Variants in PDK3 observed in about 807,000 individuals in gnomAD.
The protein encoded by PDK3 is pyruvate dehydrogenase kinase, isozyme 3.
A neutral mutation model predicts 32.0 loss-of-function variants in PDK3; 12 were observed. That is an observed-to-expected ratio of 0.37 (90% CI 0.24 to 0.61). The LOEUF is 0.61. Ranked by LOEUF, PDK3 falls within the 20% of genes least tolerant of loss-of-function variation. The pLI, the probability that PDK3 is intolerant of heterozygous loss-of-function variation, is 0.65. For missense variants in PDK3, 188 were observed against 316.9 expected, an observed-to-expected ratio of 0.59 and a Z score of 3.09; for synonymous variants, 122 against 116.3, an observed-to-expected ratio of 1.05 and a Z score of -0.31.
intron 6 of PDK3, among the ~76,000 whole-genome samples, chrX:24,521,764 G>A (rs759294550): frequency 3.6e-5 from 4 of 111,651 alleles, no homozygotes; most frequent in African/African-American, 9.8e-5. Context: ...GGAGCTTTCC[G>A]ACTCTTTTTG....
At chrX:24,475,614 G>A (rs1311494472) in intron 1 of PDK3, among the ~76,000 whole-genome samples, 1 of 110,045 alleles carries the variant, frequency 9.1e-6, no homozygotes, top group Non-Finnish European at 1.9e-5. Flanking sequence ...AGCTGGGATC[G>A]CGTCACTGCA....
chrX:24,529,034 C>CA lies in PDK3; in HGVS notation c.963+849dup, dbSNP rs779078439. Among the ~76,000 whole-genome samples the CA allele has an allele frequency of 3.6e-5, 4 of 112,389 alleles. No individual in the cohort carries two copies. In the South Asian group the frequency reaches 1.5e-3, roughly 41 times the overall value. ...AACACTTTGCATCATTTATTTGAGA[C>CA]AGAGTTTGTTAACTCAGCATGTTGG... On this transcript the variant is annotated intron_variant, in intron 9 of 10. Transcript: ENST00000379162.
intron 3 of PDK3, among the ~76,000 whole-genome samples, chrX:24,500,172 G>A (rs1396415432): frequency 9.3e-6 from 1 of 107,972 alleles, no homozygotes; most frequent in African/African-American, 3.4e-5. Context: ...AGATTGAAAA[G>A]ATATTCAGGA....
At chrX:24,503,862 A>C (rs772089388) in intron 4 of PDK3, among the ~76,000 whole-genome samples, 3 of 112,132 alleles carry the variant, frequency 2.7e-5, no homozygotes, top group Non-Finnish European at 5.6e-5. Context: ...TTCTTTATCC[A>C]GGATATTATG....
intron 1 of PDK3, among the ~76,000 whole-genome samples, chrX:24,478,232 G>A (rs1318440840): frequency 9.0e-6 from 1 of 111,105 alleles, no homozygotes; most frequent in Non-Finnish European, 1.9e-5. Flanking sequence ...ATCACTTGAG[G>A]TCAGGAGTTC....
intron 1 of PDK3, among the ~76,000 whole-genome samples, chrX:24,490,868 A>G (rs1263318871): frequency 8.9e-6 from 1 of 111,732 alleles, no homozygotes; most frequent in Non-Finnish European, 1.9e-5. Flanking sequence ...GCCAACTTGG[A>G]AATTTAAACA....
exon 12 of PDK3, chrX:24,545,373 C>T (rs957967028): frequency 8.9e-6 from 1 of 112,191 alleles, no homozygotes; most frequent in African/African-American, 3.2e-5. Flanking sequence ...GTTTGGAGAC[C>T]TGGAGCCCAC....
At chrX:24,500,052 C>T (rs1206475251) in intron 3 of PDK3, among the ~76,000 whole-genome samples, 1 of 111,328 alleles carries the variant, frequency 9.0e-6, no homozygotes, top group Non-Finnish European at 1.9e-5. Context: ...TGGCAGAAAT[C>T]CTAAAACCTA....
At chrX:24,528,862 AAAC>A (rs749706958) in intron 9 of PDK3, among the ~76,000 whole-genome samples, 34 of 112,057 alleles carry the variant, frequency 3.0e-4, no homozygotes, top group African/African-American at 1.0e-3. Context: ...TCTAATTGAC[AAAC>A]AACAATTGAA....
rs763095558 is a variant in PDK3 at position 24,496,568 on chromosome X, C to CTTTTTTTTTTTTTTTT, written c.248+1693_248+1708dup. ...CTAATTGTCCTGATACTACCCCCAT[C>CTTTTTTTTTTTTTTTT]TTTTTTTTTTTTTTTTTTTTTTTGC... is the stretch of plus-strand genomic sequence containing the variant. On this transcript the variant is annotated intron_variant, in intron 2 of 10. Transcript: ENST00000379162. 4.1e-3 allele frequency among the ~76,000 whole-genome samples: 163 copies of CTTTTTTTTTTTTTTTT among 39,314 alleles called. 18 individuals carry two copies. Among genetic ancestry groups the CTTTTTTTTTTTTTTTT allele is most frequent in the African/African-American group, 0.014 (127 of 8,986 alleles). 34.1% of individuals were successfully genotyped at this position (39,314 alleles called of 115,157 possible). A position where few individuals can be genotyped will look rare whatever the true frequency, so the allele number is the denominator to read the frequency against.
intron 1 of PDK3, among the ~76,000 whole-genome samples, chrX:24,489,881 C>T (rs1921508906): frequency 1.8e-5 from 2 of 110,405 alleles, no homozygotes; most frequent in South Asian, 7.5e-4. Flanking sequence ...GCTGATAATC[C>T]AAGGAAGCTT....
intron 5 of PDK3, 79 bp from the exon 6 acceptor site, chrX:24,518,854 C>T (rs952875473): frequency 7.5e-6 from 4 of 533,305 alleles, no homozygotes; most frequent in Non-Finnish European, 1.2e-5. Flanking sequence ...CACACACACA[C>T]ACACACACAC....
intron 5 of PDK3, among the ~76,000 whole-genome samples, chrX:24,506,515 C>T (rs1417108197): frequency 7.1e-5 from 8 of 112,018 alleles, no homozygotes; most frequent in Non-Finnish European, 1.5e-4. Context: ...TGTGCATTTT[C>T]TCTTGAACTG....
chrX:24,540,338 A>G (rs775676623), exon 12 of PDK3, among the ~76,000 whole-genome samples: 132 of 112,268 alleles, frequency 1.2e-3, no homozygotes, highest in Middle Eastern at 4.6e-3. Flanking sequence ...TTCCATATAT[A>G]TCATCTACTT....
Position 24,470,476 on chromosome X carries a change from T to C in PDK3, c.106+4915T>C, listed in dbSNP as rs187188872. Among the ~76,000 whole-genome samples, 424 of 110,335 alleles carry C rather than the reference T, an allele frequency of 3.8e-3. 2 individuals carry two copies. Among genetic ancestry groups the C allele is most frequent in the African/African-American group, 0.012 (377 of 30,429 alleles). On this transcript the variant is annotated intron_variant, in intron 1 of 10. Coordinates refer to ENST00000379162, the MANE Select transcript of PDK3 (RefSeq NM_005391.5). ...CCAAGGCAGGTGGATCACATGGGGT[T>C]GGGAGTTTGAGACCAGCCTGGCCAA...
downstream of PDK3, among the ~76,000 whole-genome samples, chrX:24,537,216 A>C (rs1466212790): frequency 9.6e-6 from 1 of 103,766 alleles, no homozygotes; most frequent in Non-Finnish European, 2.0e-5. Context: ...TCCTGGGTTC[A>C]AGCGATTCTC....
chrX:24,500,319 C>T (rs990739343), intron 3 of PDK3, among the ~76,000 whole-genome samples: 5 of 111,666 alleles, frequency 4.5e-5, no homozygotes, highest in African/African-American at 9.8e-5. Flanking sequence ...TTAAAGTATC[C>T]GAGAGGATGT....
At chrX:24,533,806 A>T (rs1166627316) in intron 10 of PDK3, 123 bp from the exon 11 acceptor site, 2 of 752,409 alleles carry the variant, frequency 2.7e-6, no homozygotes, top group Non-Finnish European at 3.7e-6. Flanking sequence ...GTGTAATTTT[A>T]ATATCATTTT....
At chrX:24,476,466 A>C in intron 1 of PDK3, among the ~76,000 whole-genome samples, 1 of 111,716 alleles carries the variant, frequency 9.0e-6, no homozygotes, top group Middle Eastern at 4.6e-3. Flanking sequence ...ATTTTATGTA[A>C]GAGACTCGAG....
Sources: gnomAD v4.1 joint callset for allele counts (sites outside exome capture counted in the v4.1 genomes callset) on GRCh38, gnomAD v4.1.1 for gene constraint, MANE v1.5 for transcripts, NCBI Gene and HGNC (gene_info 2026-07-23, HGNC 2026-07-21) for gene names.